Variants in CDYL2 observed in about 807,000 individuals in gnomAD.
CDYL2 encodes the protein chromodomain Y like 2.
In CDYL2, 23 loss-of-function variants were observed where a neutral mutation model predicts 49.4. That is an observed-to-expected ratio of 0.47 (90% CI 0.34 to 0.66). The LOEUF is 0.66. Ranked by LOEUF, CDYL2 falls within the 30% of genes least tolerant of loss-of-function variation. The pLI, the probability that CDYL2 is intolerant of heterozygous loss-of-function variation, is 0.01. For synonymous variants in CDYL2, 360 were observed against 268.8 expected, an observed-to-expected ratio of 1.34 and a Z score of -3.32; for missense variants, 678 against 656.4, an observed-to-expected ratio of 1.03 and a Z score of -0.36.
intron 2 of CDYL2, among the ~76,000 whole-genome samples, chr16:80,633,906 A>G (rs190921480): frequency 6.6e-6 from 1 of 152,336 alleles, no homozygotes; most frequent in African/African-American, 2.4e-5. Context: ...TAAAAACAGA[A>G]TGATCCAGAT....
chr16:80,745,369 T>C (rs532822719), intron 1 of CDYL2, among the ~76,000 whole-genome samples: 6 of 151,948 alleles, frequency 3.9e-5, no homozygotes, highest in Non-Finnish European at 8.8e-5. Flanking sequence ...AAGAAACACA[T>C]AAATACTCAA....
intron 2 of CDYL2, among the ~76,000 whole-genome samples, chr16:80,636,181 T>C (rs906881076): frequency 2.6e-5 from 4 of 152,034 alleles, no homozygotes; most frequent in African/African-American, 7.3e-5. Context: ...CCAAAAGCAA[T>C]GGTAAGAAAA....
intron 2 of CDYL2, among the ~76,000 whole-genome samples, chr16:80,644,182 T>A (rs1249760301): frequency 6.6e-6 from 1 of 152,202 alleles, no homozygotes; most frequent in Non-Finnish European, 1.5e-5. Context: ...AGGGGCAAAA[T>A]GCCACCAGTT....
At chr16:80,777,713 A>G (rs1363136718) in intron 1 of CDYL2, among the ~76,000 whole-genome samples, 2 of 152,112 alleles carry the variant, frequency 1.3e-5, no homozygotes, top group Admixed American at 6.5e-5. Context: ...TTGTCCCAAA[A>G]AAATACAGAC....
At chr16:80,747,409 G>A (rs1297655604) in intron 1 of CDYL2, among the ~76,000 whole-genome samples, 2 of 152,190 alleles carry the variant, frequency 1.3e-5, no homozygotes, top group African/African-American at 4.8e-5. Context: ...AGGGTTAGGG[G>A]AAGGATTTAA....
At chr16:80,797,836 A>G (rs540387363) in intron 1 of CDYL2, among the ~76,000 whole-genome samples, 1 of 152,164 alleles carries the variant, frequency 6.6e-6, no homozygotes, top group Non-Finnish European at 1.5e-5. Flanking sequence ...CAATTATTGA[A>G]ACAGCACATT....
chr16:80,711,029 G>C (rs1050383255), intron 1 of CDYL2, among the ~76,000 whole-genome samples: 1 of 152,174 alleles, frequency 6.6e-6, no homozygotes, highest in African/African-American at 2.4e-5. Flanking sequence ...CCTGCTGCTT[G>C]CTGTAAATAT....
intron 2 of CDYL2, among the ~76,000 whole-genome samples, chr16:80,652,462 A>G (rs1389690889): frequency 6.6e-6 from 1 of 152,236 alleles, no homozygotes; most frequent in Non-Finnish European, 1.5e-5. Flanking sequence ...TGAATAAATA[A>G]ATGCAGAAGA....
At chr16:80,641,457 A>G (rs973778482) in intron 2 of CDYL2, among the ~76,000 whole-genome samples, 1 of 152,212 alleles carries the variant, frequency 6.6e-6, no homozygotes, top group Non-Finnish European at 1.5e-5. Context: ...GAGAAATTTT[A>G]TCAACACCAG....
intron 1 of CDYL2, among the ~76,000 whole-genome samples, chr16:80,695,039 A>G (rs1345784012): frequency 1.3e-5 from 2 of 152,276 alleles, no homozygotes; most frequent in Non-Finnish European, 2.9e-5. Flanking sequence ...AACCCGAAGA[A>G]TAAATATTCA....
intron 1 of CDYL2, among the ~76,000 whole-genome samples, chr16:80,727,846 C>G (rs1339317585): frequency 6.6e-6 from 1 of 152,186 alleles, no homozygotes; most frequent in Non-Finnish European, 1.5e-5. Flanking sequence ...CAGACTAACA[C>G]CTCACACGGC....
At chr16:80,765,136 A>T (rs916919024) in intron 1 of CDYL2, among the ~76,000 whole-genome samples, 101 of 144,390 alleles carry the variant, frequency 7.0e-4, no homozygotes, top group Non-Finnish European at 1.3e-3. Flanking sequence ...GTACTATATA[A>T]TATATAGTAC....
At chr16:80,746,292 T>A (rs1187563828) in intron 1 of CDYL2, among the ~76,000 whole-genome samples, 2 of 152,208 alleles carry the variant, frequency 1.3e-5, no homozygotes, top group African/African-American at 2.4e-5. Context: ...AATTATCCTA[T>A]CCTGCTGACC....
intron 1 of CDYL2, among the ~76,000 whole-genome samples, chr16:80,696,107 G>A (rs1597180632): frequency 3.3e-5 from 5 of 152,112 alleles, no homozygotes; most frequent in Admixed American, 3.3e-4. Flanking sequence ...CCTTGAAACT[G>A]TACAAATAAT....
chr16:80,608,312 C>T (rs541980100), intron 5 of CDYL2, 77 bp from the exon 6 acceptor site: 8 of 1,420,902 alleles, frequency 5.6e-6, no homozygotes, highest in Non-Finnish European at 7.4e-6. Context: ...GGGCTTGCCA[C>T]CTGCAACCAT....
rs559240914 is a variant in CDYL2 at position 80,769,651 on chromosome 16, C to T, written c.24+34499G>A. Among the ~76,000 whole-genome samples, 7 of 152,196 alleles carry T rather than the reference C, an allele frequency of 4.6e-5. No individual in the cohort carries two copies. The South Asian group carries it at 8.3e-4, about 18-fold the overall frequency. On this transcript the variant is annotated intron_variant, in intron 1 of 6. Coordinates refer to ENST00000570137, the MANE Select transcript of CDYL2 (RefSeq NM_152342.4). ...CTCCCAGCTCCCTTCCTCCCCAGGC[C>T]GAAAGATGTGAACAGGAAACCAGTA...
At chr16:80,784,721 A>G (rs1258590571) in intron 1 of CDYL2, among the ~76,000 whole-genome samples, 1 of 152,212 alleles carries the variant, frequency 6.6e-6, no homozygotes, top group Admixed American at 6.5e-5. Context: ...TGACCAAGAC[A>G]GATGTGACTC....
At chr16:80,677,100 A>C (rs1180991123) in intron 2 of CDYL2, among the ~76,000 whole-genome samples, 1 of 151,436 alleles carries the variant, frequency 6.6e-6, no homozygotes, top group Non-Finnish European at 1.5e-5. Context: ...CTCCCTGGAA[A>C]GCTGGGACTA....
intron 1 of CDYL2, among the ~76,000 whole-genome samples, chr16:80,733,502 G>C (rs1401124340): frequency 6.6e-6 from 1 of 152,164 alleles, no homozygotes; most frequent in African/African-American, 2.4e-5. Context: ...AGACATCTGT[G>C]TCCTCTCTTT....
Sources: gnomAD v4.1 joint callset for allele counts (sites outside exome capture counted in the v4.1 genomes callset) on GRCh38, gnomAD v4.1.1 for gene constraint, MANE v1.5 for transcripts, NCBI Gene and HGNC (gene_info 2026-07-23, HGNC 2026-07-21) for gene names.